Variants in BZW2 observed in about 807,000 individuals in gnomAD.
BZW2 encodes eIF5-mimic protein 1.
In BZW2, 23 loss-of-function variants were observed where a neutral mutation model predicts 53.2. The ratio of observed to expected loss-of-function variants is 0.43; its 90% confidence interval spans 0.31 to 0.61. BZW2 has a LOEUF of 0.61. BZW2 is among the 20% of genes least tolerant of loss of function. The probability of loss-of-function intolerance (pLI) is 0.09; values close to 1 mark genes in which losing one functional copy is unlikely to be tolerated. For synonymous variants in BZW2, 227 were observed against 186.4 expected, an observed-to-expected ratio of 1.22 and a Z score of -1.77; for missense variants, 409 against 503.1, an observed-to-expected ratio of 0.81 and a Z score of 1.79.
intron 9 of BZW2, among the ~76,000 whole-genome samples, chr7:16,697,485 T>G (rs992987941): frequency 6.6e-6 from 1 of 152,208 alleles, no homozygotes; most frequent in African/African-American, 2.4e-5. Context: ...TTTCCAAGTT[T>G]GCACCCAGCG....
At chr7:16,695,565 C>T (rs1467406082) in intron 8 of BZW2, among the ~76,000 whole-genome samples, 2 of 152,154 alleles carry the variant, frequency 1.3e-5, no homozygotes, top group East Asian at 3.9e-4. Context: ...TTATAATACG[C>T]ATATACATAG....
chr7:16,696,513 A>G (rs1783494050), intron 8 of BZW2, among the ~76,000 whole-genome samples: 1 of 150,624 alleles, frequency 6.6e-6, no homozygotes, highest in East Asian at 1.9e-4. Flanking sequence ...CCAAGATGGT[A>G]TCCATCAAGA....
chr7:16,663,708 C>T (rs1323173437), intron 1 of BZW2, among the ~76,000 whole-genome samples: 2 of 151,988 alleles, frequency 1.3e-5, no homozygotes, highest in Non-Finnish European at 2.9e-5. Flanking sequence ...AAGTGAATAT[C>T]TAAAAGCTTT....
intron 3 of BZW2, among the ~76,000 whole-genome samples, chr7:16,676,846 T>C (rs769609746): frequency 6.6e-6 from 1 of 152,100 alleles, no homozygotes; most frequent in Non-Finnish European, 1.5e-5. Context: ...TGTTGGCCCT[T>C]TTGTCATTCT....
intron 2 of BZW2, among the ~76,000 whole-genome samples, chr7:16,669,249 C>T (rs1274134077): frequency 6.6e-6 from 1 of 152,210 alleles, no homozygotes; most frequent in Non-Finnish European, 1.5e-5. Flanking sequence ...CCTCAACCTC[C>T]CGAGTAGCTG....
At position 16,682,829 on chromosome 7, in the gene BZW2, A is replaced by C. The variant is rs780955589; in HGVS notation, c.389A>C (p.Glu130Ala). 1 of 1,578,146 alleles carries C rather than the reference A, an allele frequency of 6.3e-7. No individual in the cohort carries two copies. ...TATAAGTATTTGGAGAAGGCATTTG[A>C]AGATGAAATGAAAAAGGTAAAAATT... ...RRYKYLEKAF[E>A]DEMKKLLLFL... The change falls in exon 5 of 12, where the codon GAA becomes GCA. Residue 130 changes from glutamate (E) to alanine (A), a missense_variant. Transcript: ENST00000258761.
At chr7:16,670,682 ACCCAGTTATC>A (rs917971607) in intron 2 of BZW2, among the ~76,000 whole-genome samples, 2 of 151,988 alleles carry the variant, frequency 1.3e-5, no homozygotes, top group African/African-American at 4.8e-5. Flanking sequence ...TTGTGTAGAA[ACCCAGTTATC>A]CCCTCCTCCC....
At chr7:16,666,530 G>A (rs1782433369) in intron 2 of BZW2, among the ~76,000 whole-genome samples, 1 of 152,052 alleles carries the variant, frequency 6.6e-6, no homozygotes, top group South Asian at 2.1e-4. Flanking sequence ...AGCCTCCCAA[G>A]TAGCTGGGAT....
At chr7:16,676,149 T>C (rs1446116325) in intron 3 of BZW2, among the ~76,000 whole-genome samples, 2 of 152,228 alleles carry the variant, frequency 1.3e-5, no homozygotes, top group African/African-American at 4.8e-5. Flanking sequence ...AAATACGATA[T>C]TCTGCATGCT....
At position 16,660,682 on chromosome 7, in the gene BZW2, T is replaced by G. The variant is rs781141910; in HGVS notation, c.-7-4755T>G. 3.7e-4 allele frequency among the ~76,000 whole-genome samples: 56 copies of G among 152,140 alleles called. 1 individual carries two copies. Among genetic ancestry groups the G allele is most frequent in the Non-Finnish European group, 7.5e-4 (51 of 67,998 alleles). Reference sequence around the variant, plus strand: ...TAACCATTAGCCACACTGTTTAAATTTAGTTAATGGAAATAAAATAAAATT... The same window carrying G: ...TAACCATTAGCCACACTGTTTAAATGTAGTTAATGGAAATAAAATAAAATT... On this transcript the variant is annotated intron_variant, in intron 1 of 11. Transcript: ENST00000258761.
intron 10 of BZW2, among the ~76,000 whole-genome samples, chr7:16,701,636 T>A (rs1305551868): frequency 1.3e-5 from 2 of 151,978 alleles, no homozygotes; most frequent in Admixed American, 1.3e-4. Context: ...AAGCCACTTT[T>A]ACAGTATTGT....
intron 7 of BZW2, among the ~76,000 whole-genome samples, chr7:16,691,511 G>GGAGCT (rs1202000938): frequency 1.3e-5 from 2 of 152,146 alleles, no homozygotes; most frequent in Non-Finnish European, 2.9e-5. Flanking sequence ...CTCCCATCTG[G>GGAGCT]GCCATTCTGT....
In BZW2 at chr7:16,698,776, A is replaced by G. The variant is rs564956067; in HGVS notation, c.1108+590A>G. On this transcript the variant is annotated intron_variant, in intron 10 of 11. Transcript: ENST00000258761. ...AAGGTTTTAACCGATCCCAATCTGT[A>G]TACCTACAGCATACAGAAATGTCCT... Among the ~76,000 whole-genome samples the G allele has an allele frequency of 3.0e-4, 45 of 152,308 alleles. 1 individual carries two copies. The Middle Eastern group carries it at 0.01, about 35-fold the overall frequency.
chr7:16,667,438 A>G (rs529040783), intron 2 of BZW2, among the ~76,000 whole-genome samples: 1 of 152,376 alleles, frequency 6.6e-6, no homozygotes, highest in African/African-American at 2.4e-5. Context: ...ATGTTGGAGC[A>G]GAATCACATG....
intron 8 of BZW2, among the ~76,000 whole-genome samples, chr7:16,695,534 A>G (rs1433069695): frequency 1.3e-5 from 2 of 152,222 alleles, no homozygotes; most frequent in Non-Finnish European, 2.9e-5. Context: ...GTGTTTCCCT[A>G]TAATGTAAAA....
chr7:16,658,056 A>T (rs1782162765), intron 1 of BZW2, among the ~76,000 whole-genome samples: 2 of 152,214 alleles, frequency 1.3e-5, no homozygotes, highest in African/African-American at 4.8e-5. Context: ...GAATGACATC[A>T]GTAAAATTAG....
At chr7:16,668,555 A>G (rs1782502607) in intron 2 of BZW2, among the ~76,000 whole-genome samples, 1 of 152,188 alleles carries the variant, frequency 6.6e-6, no homozygotes, top group Non-Finnish European at 1.5e-5. Flanking sequence ...ATGATTTCTC[A>G]TCCTTAACTT....
At chr7:16,674,300 C>G in intron 2 of BZW2, 112 bp from the exon 3 acceptor site, 2 of 730,712 alleles carry the variant, frequency 2.7e-6, no homozygotes, top group Non-Finnish European at 4.1e-6. Flanking sequence ...TTTGGCGATG[C>G]TCTGTGGATT....
At chr7:16,685,876 C>CTTTTTTTT (rs34699573) in intron 5 of BZW2, 29 bp from the exon 6 acceptor site, 518 of 1,294,520 alleles carry the variant, frequency 4.0e-4, no homozygotes, top group South Asian at 2.3e-3. Context: ...TTTTCTTTTT[C>CTTTTTTTT]TTTTTTTTTT....
Sources: allele counts gnomAD v4.1 joint callset (sites outside exome capture counted in the v4.1 genomes callset), GRCh38; gene constraint gnomAD v4.1.1; transcripts MANE v1.5; gene names NCBI Gene and HGNC (gene_info 2026-07-23, HGNC 2026-07-21).